The following HDAC9 variants were observed in gnomAD, a reference collection of about 807,000 sequenced individuals.
The protein encoded by HDAC9 is MEF-2 interacting transcription repressor (MITR) protein.
A neutral mutation model predicts 139.4 loss-of-function variants in HDAC9; 41 were observed. That is an observed-to-expected ratio of 0.29 (90% CI 0.23 to 0.38). HDAC9 has a LOEUF of 0.38. Ranked by LOEUF, HDAC9 falls within the 10% of genes least tolerant of loss-of-function variation. HDAC9 has a pLI of 1.00. For missense variants in HDAC9, 1,147 were observed against 1,297.0 expected, an observed-to-expected ratio of 0.88 and a Z score of 1.78; for synonymous variants, 517 against 476.2, an observed-to-expected ratio of 1.09 and a Z score of -1.12.
intron 1 of HDAC9, among the ~76,000 whole-genome samples, chr7:18,422,455 A>C (rs563229740): frequency 1.4e-4 from 22 of 152,200 alleles, no homozygotes; most frequent in Non-Finnish European, 2.9e-4. Flanking sequence ...TCATAAACAA[A>C]TACTTATACG....
intron 6 of HDAC9, among the ~76,000 whole-genome samples, chr7:18,601,038 G>A (rs1315093164): frequency 1.3e-5 from 2 of 151,944 alleles, no homozygotes; most frequent in Non-Finnish European, 2.9e-5. Context: ...ACTTTAACTG[G>A]GATTATGCTG....
intron 25 of HDAC9, among the ~76,000 whole-genome samples, chr7:18,983,378 C>G (rs1004556439): frequency 6.6e-6 from 1 of 152,172 alleles, no homozygotes; most frequent in Non-Finnish European, 1.5e-5. Flanking sequence ...GCTTCCACCT[C>G]TTGACTATTG....
At chr7:18,232,540 C>A (rs184978411) in intron 2 of HDAC9, among the ~76,000 whole-genome samples, 1 of 152,142 alleles carries the variant, frequency 6.6e-6, no homozygotes, top group Non-Finnish European at 1.5e-5. Context: ...ACTTTTCTAT[C>A]GTAGTTATTT....
chr7:18,161,031 T>G (rs1787595261), intron 1 of HDAC9, among the ~76,000 whole-genome samples: 1 of 152,208 alleles, frequency 6.6e-6, no homozygotes, highest in Non-Finnish European at 1.5e-5. Flanking sequence ...GACACAGAAA[T>G]CAAGACTGTT....
intron 12 of HDAC9, among the ~76,000 whole-genome samples, chr7:18,679,498 TTTTC>T (rs1403866298): frequency 6.6e-6 from 1 of 151,462 alleles, no homozygotes; most frequent in Non-Finnish European, 1.5e-5. Context: ...CTTTCTTTTC[TTTTC>T]TTTCTTTTCT....
chr7:18,819,120 A>ATAC (rs1342571314), intron 17 of HDAC9, among the ~76,000 whole-genome samples: 4 of 152,170 alleles, frequency 2.6e-5, no homozygotes, highest in African/African-American at 9.7e-5. Flanking sequence ...TCTCTACTAA[A>ATAC]AATACAAAAA....
At chr7:18,787,913 T>G (rs1204149507) in intron 16 of HDAC9, among the ~76,000 whole-genome samples, 1 of 148,702 alleles carries the variant, frequency 6.7e-6, no homozygotes, top group Non-Finnish European at 1.5e-5. Flanking sequence ...AGAAATACTG[T>G]CTTTTCAAGA....
intron 6 of HDAC9, among the ~76,000 whole-genome samples, chr7:18,596,680 G>T (rs1183386108): frequency 6.6e-6 from 1 of 152,074 alleles, no homozygotes; most frequent in African/African-American, 2.4e-5. Flanking sequence ...GTAAACACCA[G>T]CCCAGCTACT....
At chr7:18,360,601 T>A (rs1329169731) in intron 1 of HDAC9, among the ~76,000 whole-genome samples, 1 of 152,188 alleles carries the variant, frequency 6.6e-6, no homozygotes, top group Non-Finnish European at 1.5e-5. Flanking sequence ...TCTTTCAAGG[T>A]CCACTTCAAT....
intron 23 of HDAC9, among the ~76,000 whole-genome samples, chr7:18,938,208 G>A (rs1230065453): frequency 7.9e-5 from 11 of 139,250 alleles, no homozygotes; most frequent in Non-Finnish European, 3.0e-5. Flanking sequence ...TCCAGCCTGG[G>A]CGACAGAGCG....
At chr7:18,624,330 C>A (rs1178184686) in intron 6 of HDAC9, among the ~76,000 whole-genome samples, 1 of 151,982 alleles carries the variant, frequency 6.6e-6, no homozygotes, top group Non-Finnish European at 1.5e-5. Flanking sequence ...AGGATATTTT[C>A]TTTTAGGTGA....
At chr7:18,581,498 TA>T (rs1403866118) in intron 2 of HDAC9, among the ~76,000 whole-genome samples, 1 of 152,094 alleles carries the variant, frequency 6.6e-6, no homozygotes, top group Non-Finnish European at 1.5e-5. Flanking sequence ...CTTATCTTTT[TA>T]AAAAAGCTTT....
At chr7:18,666,795 C>G in intron 12 of HDAC9, 2 of 1,115,654 alleles carry the variant, frequency 1.8e-6, no homozygotes, top group Non-Finnish European at 2.2e-6. Context: ...GCCTGCTACA[C>G]CAATTACTTC....
At chr7:18,194,072 C>A (rs6461373) in intron 2 of HDAC9, among the ~76,000 whole-genome samples, 63,241 of 151,908 alleles carry the variant, frequency 0.42, 14,041 homozygotes, top group African/African-American at 0.57. Context: ...CCCATGAGGT[C>A]GGTCCAAGCC....
intron 1 of HDAC9, among the ~76,000 whole-genome samples, chr7:18,378,677 A>G (rs1785188474): frequency 6.6e-6 from 1 of 152,154 alleles, no homozygotes; most frequent in African/African-American, 2.4e-5. Flanking sequence ...ATATGTTTAT[A>G]TGCATATAAA....
chr7:18,709,802 G>T (rs183960931), intron 12 of HDAC9, among the ~76,000 whole-genome samples: 1 of 152,288 alleles, frequency 6.6e-6, no homozygotes, highest in Non-Finnish European at 1.5e-5. Context: ...CTCCCAAAGT[G>T]TTGGCATCAC....
chr7:18,649,940 C>T (rs1215148795), intron 11 of HDAC9, among the ~76,000 whole-genome samples: 1 of 152,146 alleles, frequency 6.6e-6, no homozygotes, highest in Non-Finnish European at 1.5e-5. Context: ...GTATGCATTG[C>T]AGACCCTTTC....
chr7:18,528,289 T>C (rs1482335181), intron 2 of HDAC9, among the ~76,000 whole-genome samples: 1 of 151,892 alleles, frequency 6.6e-6, no homozygotes, highest in Non-Finnish European at 1.5e-5. Context: ...ATTAATTTGC[T>C]TATTTTTCAG....
intron 7 of HDAC9, among the ~76,000 whole-genome samples, chr7:18,632,837 G>A (rs1782750430): frequency 1.3e-5 from 2 of 152,024 alleles, no homozygotes; most frequent in South Asian, 4.1e-4. Context: ...CATAGATGGA[G>A]AGATAGTGTA....
Sources: allele counts gnomAD v4.1 joint callset (sites outside exome capture counted in the v4.1 genomes callset), GRCh38; gene constraint gnomAD v4.1.1; transcripts MANE v1.5; gene names NCBI Gene and HGNC (gene_info 2026-07-23, HGNC 2026-07-21).